EEFSEC: variants seen among roughly 807,000 people sequenced by gnomAD.
EEFSEC encodes the protein selenocysteine-specific elongation factor.
In EEFSEC, 43 loss-of-function variants were observed where a neutral mutation model predicts 42.1. The ratio of observed to expected loss-of-function variants is 1.02; its 90% confidence interval spans 0.80 to 1.32. The LOEUF (loss-of-function observed/expected upper bound fraction) is 1.32, where lower values mean the gene tolerates loss of function less well. Ranked by LOEUF, EEFSEC falls within the 40% of genes most tolerant of loss-of-function variation. The pLI is 0.00. For missense variants in EEFSEC, 745 were observed against 803.6 expected, an observed-to-expected ratio of 0.93 and a Z score of 0.88; for synonymous variants, 354 against 339.1, an observed-to-expected ratio of 1.04 and a Z score of -0.48.
chr3:128,210,361 A>G (rs2065743953), intron 1 of EEFSEC, among the ~76,000 whole-genome samples: 1 of 152,180 alleles, frequency 6.6e-6, no homozygotes, highest in Non-Finnish European at 1.5e-5. Flanking sequence ...GGAAGTCAGT[A>G]TGTAGGTGTC....
intron 1 of EEFSEC, among the ~76,000 whole-genome samples, chr3:128,214,296 C>CG (rs1404237887): frequency 6.6e-6 from 1 of 152,140 alleles, no homozygotes; most frequent in Admixed American, 6.5e-5. Flanking sequence ...AGCAGTGAGG[C>CG]GAGGGCTGTG....
Position 128,341,113 on chromosome 3 carries a change from G to A in EEFSEC, c.787-120G>A, listed in dbSNP as rs2067244924. ...CCTGGGCCCCAGACCCCCCTTGGCTGGTCCTCACGGTGCCTGCAGGTGGTG... is the reference window on the plus strand; with the variant it reads ...CCTGGGCCCCAGACCCCCCTTGGCTAGTCCTCACGGTGCCTGCAGGTGGTG... On this transcript the variant is annotated intron_variant, in intron 4 of 6. Coordinates refer to ENST00000254730, the MANE Select transcript of EEFSEC (RefSeq NM_021937.5). The A allele has an allele frequency of 1.6e-5, 20 of 1,234,534 alleles. No homozygotes were observed. In the South Asian group the frequency reaches 3.0e-4, roughly 18 times the overall value. The allele number at this position is 1,234,534 out of a possible 1,614,324, so 76.5% of individuals were successfully genotyped here. A position where few individuals can be genotyped will look rare whatever the true frequency, so the allele number is the denominator to read the frequency against.
rs190765070 is a variant in EEFSEC, at chr3:128,350,442, G to A, written c.1444-7775G>A. Reference sequence around the variant, plus strand: ...CTGGGTCCCTGCCAGAGGGTTGAAGGCCACATTGGCTCCCAGGCTACTTGA... The same window carrying A: ...CTGGGTCCCTGCCAGAGGGTTGAAGACCACATTGGCTCCCAGGCTACTTGA... On this transcript the variant is annotated intron_variant, in intron 5 of 6. Transcript: ENST00000254730. 5.4e-4 allele frequency among the ~76,000 whole-genome samples: 82 copies of A among 152,316 alleles called. 1 individual carries two copies. Among genetic ancestry groups the A allele is most frequent in the Admixed American group, 1.6e-3 (25 of 15,310 alleles).
chr3:128,191,120 G>A (rs1339887706), intron 1 of EEFSEC, among the ~76,000 whole-genome samples: 1 of 152,108 alleles, frequency 6.6e-6, no homozygotes, highest in East Asian at 1.9e-4. Context: ...TTCTCAGAAT[G>A]TATCTTCATC....
At chr3:128,156,293 A>G (rs1944380266) in intron 1 of EEFSEC, among the ~76,000 whole-genome samples, 1 of 152,260 alleles carries the variant, frequency 6.6e-6, no homozygotes, top group South Asian at 2.1e-4. Context: ...AAACCCTGCA[A>G]GGAGCGTGGT....
intron 5 of EEFSEC, among the ~76,000 whole-genome samples, chr3:128,356,385 C>T (rs762114688): frequency 5.3e-5 from 8 of 152,046 alleles, no homozygotes; most frequent in Non-Finnish European, 8.8e-5. Context: ...TGCAGAGGCC[C>T]GAGTAGTAGC....
intron 1 of EEFSEC, among the ~76,000 whole-genome samples, chr3:128,211,837 CTTTTTCTTTTCTTTTTTTTT>C (rs2065759259): frequency 9.2e-6 from 1 of 108,120 alleles, no homozygotes; most frequent in African/African-American, 3.5e-5. Context: ...TACTTCTTTT[CTTTTTCTTTTCTTTTTTTTT>C]TTTTTTTTTT....
chr3:128,204,294 C>A (rs1046772766), intron 1 of EEFSEC, among the ~76,000 whole-genome samples: 1 of 152,178 alleles, frequency 6.6e-6, no homozygotes, highest in African/African-American at 2.4e-5. Context: ...TTATGACAGT[C>A]ATTGTAAGGA....
intron 6 of EEFSEC, among the ~76,000 whole-genome samples, chr3:128,359,740 C>T (rs995576328): frequency 1.3e-5 from 2 of 152,172 alleles, no homozygotes; most frequent in Non-Finnish European, 2.9e-5. Context: ...CTCCAGGACT[C>T]GAGGTTGATC....
chr3:128,176,446 G>C (rs2065348870), intron 1 of EEFSEC, among the ~76,000 whole-genome samples: 1 of 152,074 alleles, frequency 6.6e-6, no homozygotes, highest in Admixed American at 6.5e-5. Context: ...AATGTGGGTG[G>C]AGTGTTAGCA....
intron 1 of EEFSEC, among the ~76,000 whole-genome samples, chr3:128,216,576 C>T (rs1228042291): frequency 6.6e-6 from 1 of 152,240 alleles, no homozygotes; most frequent in Admixed American, 6.5e-5. Context: ...CCCTCTGCCC[C>T]TCGACCAGCC....
intron 1 of EEFSEC, among the ~76,000 whole-genome samples, chr3:128,168,738 G>A (rs1468356322): frequency 2.6e-5 from 4 of 152,228 alleles, no homozygotes; most frequent in African/African-American, 9.6e-5. Context: ...TGGACCCTAA[G>A]AGGGGAGGCC....
At chr3:128,222,301 G>A (rs996118812) in intron 1 of EEFSEC, among the ~76,000 whole-genome samples, 14 of 152,136 alleles carry the variant, frequency 9.2e-5, no homozygotes, top group African/African-American at 3.4e-4. Context: ...CCAAAGGGCT[G>A]GGATTACAGA....
At chr3:128,307,636 A>G (rs2066845414) in intron 4 of EEFSEC, among the ~76,000 whole-genome samples, 1 of 152,218 alleles carries the variant, frequency 6.6e-6, no homozygotes, top group South Asian at 2.1e-4. Flanking sequence ...GAGCTGCTTT[A>G]TTCGCAACAA....
intron 5 of EEFSEC, among the ~76,000 whole-genome samples, chr3:128,342,444 A>G (rs1378501473): frequency 6.6e-6 from 1 of 152,166 alleles, no homozygotes; most frequent in East Asian, 1.9e-4. Flanking sequence ...GTCTTTCCTC[A>G]CCTGTGGACT....
At chr3:128,410,287 C>T (rs974085889), downstream of EEFSEC, among the ~76,000 whole-genome samples, 3 of 152,244 alleles carry the variant, frequency 2.0e-5, no homozygotes. Flanking sequence ...CCCCAGCCCC[C>T]TCAGAGTCCC....
intron 1 of EEFSEC, among the ~76,000 whole-genome samples, chr3:128,227,582 T>C (rs1234200757): frequency 1.3e-5 from 2 of 152,194 alleles, no homozygotes; most frequent in Non-Finnish European, 2.9e-5. Context: ...CTAAGACAAC[T>C]GTTGTTTTTT....
intron 4 of EEFSEC, among the ~76,000 whole-genome samples, chr3:128,291,997 G>A (rs1318896532): frequency 1.3e-5 from 2 of 152,080 alleles, no homozygotes; most frequent in Non-Finnish European, 2.9e-5. Flanking sequence ...ATAAATGGGT[G>A]TTGAATTTTT....
rs59638404 is a variant in EEFSEC, at chr3:128,293,678, A to ACAAAAAAC, written c.786+28897_786+28898insCAAAAAAC. On this transcript the variant is annotated intron_variant, in intron 4 of 6. Coordinates refer to ENST00000254730, the MANE Select transcript of EEFSEC (RefSeq NM_021937.5). ...TCTATCTCAAAAAAAAAAAAAAAAA[A>ACAAAAAAC]AAAAAAAAACTTCCCTTATAGGATC... is the stretch of plus-strand genomic sequence containing the variant. Among the ~76,000 whole-genome samples the ACAAAAAAC allele has an allele frequency of 2.6e-4, 36 of 138,846 alleles. 5 individuals are homozygous for ACAAAAAAC. Among genetic ancestry groups the ACAAAAAAC allele is most frequent in the South Asian group, 4.5e-4 (2 of 4,444 alleles). 91.1% of individuals were successfully genotyped at this position (138,846 alleles called of 152,430 possible).
Sources: allele counts gnomAD v4.1 joint callset (sites outside exome capture counted in the v4.1 genomes callset), GRCh38; gene constraint gnomAD v4.1.1; transcripts MANE v1.5; gene names NCBI Gene and HGNC (gene_info 2026-07-23, HGNC 2026-07-21).